ITGA1: variants seen among roughly 807,000 people sequenced by gnomAD.
The protein encoded by ITGA1 is integrin alpha-1.
Under a neutral mutation model 145.9 loss-of-function variants are expected in ITGA1, and 85 were observed. That is an observed-to-expected ratio of 0.58 (90% CI 0.49 to 0.70). ITGA1 has a LOEUF of 0.70. Ranked by LOEUF, ITGA1 falls within the 30% of genes least tolerant of loss-of-function variation. The pLI, the probability that ITGA1 is intolerant of heterozygous loss-of-function variation, is 0.00. For missense variants in ITGA1, 1,351 were observed against 1,418.7 expected (o/e 0.95, Z 0.77); for synonymous variants, 520 against 495.3 (o/e 1.05, Z -0.66).
At chr5:52,911,165 T>C (rs1233311672) in intron 14 of ITGA1, among the ~76,000 whole-genome samples, 1 of 136,838 alleles carries the variant, frequency 7.3e-6, no homozygotes, top group East Asian at 2.1e-4. Context: ...ATAGTGTATA[T>C]AGAGTACATA....
Position 52,814,489 on chromosome 5 carries a change from G to A in ITGA1, c.61+26075G>A, listed in dbSNP as rs933878096. ...CTCATCAGAGATGCCAATTTGTTAGGAAAACAAAGTGCATCCCTTTCAGGC... is the reference window on the plus strand; with the variant it reads ...CTCATCAGAGATGCCAATTTGTTAGAAAAACAAAGTGCATCCCTTTCAGGC... On this transcript the variant is annotated intron_variant, in intron 1 of 28. Transcript: ENST00000282588. Among the ~76,000 whole-genome samples the A allele has an allele frequency of 5.3e-5, 8 of 152,176 alleles. No individual in the cohort carries two copies. In the South Asian group the frequency reaches 1.0e-3, roughly 20 times the overall value.
intron 11 of ITGA1, chr5:52,903,804 C>G (rs1009124216): frequency 1.3e-5 from 2 of 152,154 alleles, no homozygotes; most frequent in African/African-American, 2.4e-5. Context: ...TGATATGGCT[C>G]TCTTCTCAAA....
chr5:52,920,961 T>A (rs1750721919), intron 17 of ITGA1, among the ~76,000 whole-genome samples: 1 of 149,686 alleles, frequency 6.7e-6, no homozygotes, highest in Admixed American at 6.8e-5. Flanking sequence ...GTATTTTCTA[T>A]CATCTGTAGG....
At chr5:52,895,670 A>C (rs1302767482) in intron 9 of ITGA1, among the ~76,000 whole-genome samples, 2 of 152,108 alleles carry the variant, frequency 1.3e-5, no homozygotes, top group African/African-American at 4.8e-5. Flanking sequence ...GCCTGAAATG[A>C]CATTTCAGAT....
Position 52,881,907 on chromosome 5 carries a change from A to C in ITGA1, c.659A>C (p.His220Pro). Residue 220 changes from histidine (H) to proline (P), a missense_variant, in exon 7 of 29, where the codon CAT becomes CCT. His to Pro is a moderately conservative substitution (Grantham distance 77). Transcript: ENST00000282588. ...GTACAGTATGGAGAAAACGTGACCC[A>C]TGAGTTCAACCTCAATAAGTATTCT... ...GIVQYGENVT[H>P]EFNLNKYSST... The C allele has an allele frequency of 6.2e-7, 1 of 1,614,020 alleles. No individual in the cohort carries two copies. Among genetic ancestry groups the C allele is most frequent in the Non-Finnish European group, 8.5e-7 (1 of 1,179,928 alleles).
At chr5:52,851,353 C>G (rs1204637413) in intron 2 of ITGA1, among the ~76,000 whole-genome samples, 1 of 152,136 alleles carries the variant, frequency 6.6e-6, no homozygotes, top group Non-Finnish European at 1.5e-5. Flanking sequence ...CATTTGATCT[C>G]TTTAGTCACT....
chr5:52,913,222 C>G (rs1031790785), intron 14 of ITGA1, among the ~76,000 whole-genome samples: 9 of 152,058 alleles, frequency 5.9e-5, no homozygotes, highest in African/African-American at 2.2e-4. Context: ...ATAGAGGGCA[C>G]TGCTTTCTGA....
chr5:52,921,784 C>G (rs1157497667), intron 17 of ITGA1, among the ~76,000 whole-genome samples: 1 of 152,096 alleles, frequency 6.6e-6, no homozygotes, highest in Non-Finnish European at 1.5e-5. Context: ...CCCAAATATT[C>G]CACATTCTGA....
At chr5:52,835,564 T>C (rs1235963049) in intron 1 of ITGA1, among the ~76,000 whole-genome samples, 3 of 152,084 alleles carry the variant, frequency 2.0e-5, no homozygotes, top group Non-Finnish European at 4.4e-5. Flanking sequence ...AGTAATGAGA[T>C]TGGAAAGGTC....
intron 1 of ITGA1, among the ~76,000 whole-genome samples, chr5:52,820,368 T>A (rs1403917928): frequency 1.1e-3 from 1 of 878 alleles, no homozygotes; most frequent in Non-Finnish European, 5.4e-3. Context: ...CATCAGGGCC[T>A]GTTGTGGGTG....
intron 1 of ITGA1, chr5:52,800,109 G>A (rs114309882): frequency 0.015 from 5,929 of 385,284 alleles, 70 homozygotes; most frequent in Non-Finnish European, 0.021. Context: ...TCGTCAGCCC[G>A]CTGTTGCGTG....
At chr5:52,794,500 T>TAC (rs56996823) in intron 1 of ITGA1, among the ~76,000 whole-genome samples, 35,568 of 141,588 alleles carry the variant, frequency 0.25, 4,479 homozygotes, top group Middle Eastern at 0.3. Flanking sequence ...CAAATAGAAA[T>TAC]ACACACACAC....
chr5:52,815,018 A>G (rs1748743165), intron 1 of ITGA1, among the ~76,000 whole-genome samples: 1 of 152,162 alleles, frequency 6.6e-6, no homozygotes, highest in Non-Finnish European at 1.5e-5. Flanking sequence ...ATGATGATGT[A>G]CTTCCCCACT....
chr5:52,802,970 TAAGG>T (rs1444038318), intron 1 of ITGA1: 1 of 152,222 alleles, frequency 6.6e-6, no homozygotes, highest in Non-Finnish European at 1.5e-5. Flanking sequence ...TCCTAAAAGT[TAAGG>T]AAGGAGCCTC....
At chr5:52,921,067 G>A (rs1162886105) in intron 17 of ITGA1, among the ~76,000 whole-genome samples, 1 of 152,056 alleles carries the variant, frequency 6.6e-6, no homozygotes, top group Non-Finnish European at 1.5e-5. Flanking sequence ...TGGTAAGCCA[G>A]TGTGAATCAT....
At chr5:52,878,560 T>A (rs1749904647) in intron 6 of ITGA1, among the ~76,000 whole-genome samples, 1 of 152,232 alleles carries the variant, frequency 6.6e-6, no homozygotes, top group Admixed American at 6.5e-5. Context: ...TAAGTTGGCA[T>A]CTCTTCAGCT....
At chr5:52,864,885 A>C in intron 4 of ITGA1, 34 bp downstream of exon 4, 1 of 1,545,990 alleles carries the variant, frequency 6.5e-7, no homozygotes, top group Non-Finnish European at 8.9e-7. Context: ...TATTGACAAC[A>C]GATATGCTAT....
chr5:52,885,620 A>G (rs967041313), intron 7 of ITGA1, among the ~76,000 whole-genome samples: 2 of 152,234 alleles, frequency 1.3e-5, no homozygotes, highest in African/African-American at 4.8e-5. Context: ...TATTTGAGCA[A>G]AGAATGATTC....
chr5:52,934,346 G>A (rs1186472824), intron 23 of ITGA1, among the ~76,000 whole-genome samples: 1 of 151,372 alleles, frequency 6.6e-6, no homozygotes, highest in African/African-American at 2.4e-5. Context: ...CGATAAACCT[G>A]TAGACTTTAC....
Sources: gnomAD v4.1 joint callset for allele counts (sites outside exome capture counted in the v4.1 genomes callset) on GRCh38, gnomAD v4.1.1 for gene constraint, MANE v1.5 for transcripts, NCBI Gene and HGNC (gene_info 2026-07-23, HGNC 2026-07-21) for gene names.